The following PDS5A variants were observed in gnomAD, a reference collection of about 807,000 sequenced individuals.
PDS5A encodes the protein sister chromatid cohesion protein PDS5 homolog A.
In PDS5A, 42 loss-of-function variants were observed where a neutral mutation model predicts 167.1. The observed-to-expected ratio is 0.25, with a 90% CI of 0.20 to 0.33. PDS5A has a LOEUF of 0.33. Ranked by LOEUF, PDS5A falls within the 10% of genes least tolerant of loss-of-function variation. The pLI is 1.00. For synonymous variants in PDS5A, 553 were observed against 554.6 expected, an observed-to-expected ratio of 1.00 and a Z score of 0.04; for missense variants, 1,033 against 1,605.9, an observed-to-expected ratio of 0.64 and a Z score of 6.10.
chr4:39,918,440 G>A (rs180792874), intron 7 of PDS5A, among the ~76,000 whole-genome samples: 4 of 152,052 alleles, frequency 2.6e-5, no homozygotes, highest in Non-Finnish European at 2.9e-5. Flanking sequence ...GCACACCACC[G>A]TCACACATGC....
chr4:39,906,024 T>A (rs577352824), intron 11 of PDS5A, among the ~76,000 whole-genome samples: 10 of 149,204 alleles, frequency 6.7e-5, no homozygotes, highest in Admixed American at 2.0e-4. Flanking sequence ...AAAAAAAAGA[T>A]AAGAAAATTA....
rs150023934 is a variant in PDS5A at position 39,977,169 on chromosome 4, C to T, written c.-41+288G>A. The stretch of plus-strand genomic sequence containing the variant: ...TGCCACCCCTCCCCTGTTCCGCTCC[C>T]TCACCCCCGCGGGAGGGGAAAACAA... On this transcript the variant is annotated intron_variant, in intron 1 of 32. Coordinates refer to ENST00000303538, the MANE Select transcript of PDS5A (RefSeq NM_001100399.2). The surrounding 1 kb of genome is among the most constrained non-coding windows in gnomAD (Gnocchi z 4.2). Among the ~76,000 whole-genome samples, 728 of 152,164 alleles carry T rather than the reference C, an allele frequency of 4.8e-3. 8 individuals carry two copies. The highest frequency in any genetic ancestry group is 0.017 in the African/African-American group (687 of 41,526).
chr4:39,949,831 A>AAAAAAAAAG (rs1336523081), intron 2 of PDS5A, among the ~76,000 whole-genome samples: 3 of 149,506 alleles, frequency 2.0e-5, no homozygotes, highest in Admixed American at 1.3e-4. Flanking sequence ...GAAAAAAAAA[A>AAAAAAAAAG]AAAAGAAAAA....
At chr4:39,890,149 C>A (rs1389989565) in intron 17 of PDS5A, 100 bp downstream of exon 17, 1 of 630,806 alleles carries the variant, frequency 1.6e-6, no homozygotes, top group South Asian at 2.1e-5. Flanking sequence ...AAGAGACATA[C>A]AGAGGTTTTC....
chr4:39,914,449 C>T (rs749566774), intron 8 of PDS5A, among the ~76,000 whole-genome samples: 6 of 151,356 alleles, frequency 4.0e-5, no homozygotes, highest in Non-Finnish European at 5.9e-5. Context: ...CATGAACCAC[C>T]GCACCTGGCT....
intron 2 of PDS5A, among the ~76,000 whole-genome samples, chr4:39,933,756 T>C (rs560012227): frequency 3.9e-5 from 6 of 152,356 alleles, no homozygotes; most frequent in Non-Finnish European, 7.3e-5. Context: ...TTCCCTTTTT[T>C]AAATATGTCG....
intron 7 of PDS5A, 96 bp from the exon 8 acceptor site, chr4:39,917,284 G>T: frequency 2.7e-6 from 2 of 754,504 alleles, no homozygotes; most frequent in South Asian, 4.3e-5. Context: ...ATTTAATTAG[G>T]TATTACATAT....
chr4:39,908,515 A>T lies in PDS5A; in HGVS notation c.1113T>A (p.Asp371Glu). The T allele has an allele frequency of 6.3e-7, 1 of 1,591,462 alleles. No homozygotes were observed. Among genetic ancestry groups the T allele is most frequent in the Non-Finnish European group, 8.6e-7 (1 of 1,160,026 alleles). The change falls in exon 11 of 33, where the codon GAT (aspartate) becomes GAA (glutamate). Residue 371 changes from aspartate (D) to glutamate (E), a missense_variant. By Grantham distance (45) the Asp-to-Glu change is conservative. Around this residue, in one of 4 missense-constraint regions of PDS5A, gnomAD observed 388 missense variants for 615.1 expected, o/e 0.63. Transcript: ENST00000303538. ...CATCATGACGAATAGCTTCTTCTGG[A>T]TCATGTGATCTAACCTTTAAATATT... The part of the protein sequence containing the change: ...LTEYLKVRSH[D>E]PEEAIRHDVI...
chr4:39,876,903 CTA>C (rs1720504033), intron 19 of PDS5A, 88 bp downstream of exon 19: 13 of 938,214 alleles, frequency 1.4e-5, no homozygotes, highest in Non-Finnish European at 1.9e-5. Flanking sequence ...TTCTTCCCTC[CTA>C]TCTTCCTACA....
At chr4:39,939,590 T>A (rs971236416) in intron 2 of PDS5A, among the ~76,000 whole-genome samples, 5 of 152,156 alleles carry the variant, frequency 3.3e-5, no homozygotes, top group Non-Finnish European at 7.3e-5. Context: ...GGTCAGGAGC[T>A]GGAGACCAGC....
intron 21 of PDS5A, among the ~76,000 whole-genome samples, chr4:39,871,678 C>T (rs1198524749): frequency 6.6e-6 from 1 of 152,114 alleles, no homozygotes; most frequent in African/African-American, 2.4e-5. Flanking sequence ...AATTTAGATC[C>T]ATTTGGTAAA....
intron 17 of PDS5A, among the ~76,000 whole-genome samples, chr4:39,880,905 A>T (rs111969386): frequency 2.7e-4 from 41 of 152,098 alleles, no homozygotes; most frequent in Non-Finnish European, 3.4e-4. Flanking sequence ...TCTAGCTGTG[A>T]TTTTGTATCC....
chr4:39,896,707 AG>A (rs1411683078), intron 16 of PDS5A, among the ~76,000 whole-genome samples: 1 of 151,918 alleles, frequency 6.6e-6, no homozygotes, highest in Non-Finnish European at 1.5e-5. Context: ...CTGAGGATGC[AG>A]TGGGCCATGA....
intron 26 of PDS5A, among the ~76,000 whole-genome samples, chr4:39,859,966 G>A (rs919565829): frequency 6.6e-6 from 1 of 152,154 alleles, no homozygotes; most frequent in Non-Finnish European, 1.5e-5. Flanking sequence ...GGGTGTGGTG[G>A]CTCATGCCTG....
Position 39,939,893 on chromosome 4 carries a change from T to C in PDS5A, c.139-11729A>G, listed in dbSNP as rs145279641. On this transcript the variant is annotated intron_variant, in intron 2 of 32. Coordinates refer to ENST00000303538, the MANE Select transcript of PDS5A (RefSeq NM_001100399.2). ...GGATATATTTAAATTGAGCTATGGT[T>C]GTACCAGTGTACTCTGGCCTGGGCA... Among the ~76,000 whole-genome samples, 1,026 of 152,290 alleles carry C rather than the reference T, an allele frequency of 6.7e-3. 14 individuals carry two copies. Among genetic ancestry groups the C allele is most frequent in the African/African-American group, 0.024 (981 of 41,560 alleles).
chr4:39,884,781 C>T (rs1442225636), intron 17 of PDS5A, among the ~76,000 whole-genome samples: 1 of 152,172 alleles, frequency 6.6e-6, no homozygotes, highest in Non-Finnish European at 1.5e-5. Context: ...CAGTCCTCAA[C>T]CTTTTCCTTT....
intron 26 of PDS5A, among the ~76,000 whole-genome samples, chr4:39,861,503 C>T (rs183367326): frequency 1.3e-3 from 195 of 152,226 alleles, no homozygotes; most frequent in African/African-American, 4.6e-3. Context: ...TACAAAAATA[C>T]ACTTAGATAC....
chr4:39,957,361 A>T (rs73808614), intron 2 of PDS5A, among the ~76,000 whole-genome samples: 382 of 152,206 alleles, frequency 2.5e-3, no homozygotes, highest in African/African-American at 8.7e-3. Flanking sequence ...GTGATTTTTT[A>T]AAATTCATAT....
At position 39,973,515 on chromosome 4, in the gene PDS5A, A is replaced by G; in HGVS notation, c.138+2925T>C. ...GTATTGATGATGAACGTCTCCAGAA[A>G]GAGTTTTCTCCATTTGGTACAATCA... is the stretch of plus-strand genomic sequence containing the variant. On this transcript the variant is annotated intron_variant, in intron 2 of 32. Transcript: ENST00000303538. 4 of 1,296,742 alleles carry G rather than the reference A, an allele frequency of 3.1e-6. No homozygotes were observed. In the Admixed American group the frequency reaches 6.7e-5, roughly 22 times the overall value. 80.3% of individuals were successfully genotyped at this position (1,296,742 alleles called of 1,614,324 possible). A position where few individuals can be genotyped will look rare whatever the true frequency, so the allele number is the denominator to read the frequency against.
Sources: gnomAD v4.1 joint callset for allele counts (sites outside exome capture counted in the v4.1 genomes callset) on GRCh38, gnomAD v4.1.1 for gene constraint, gnomAD v4.1.1 regional missense constraint, Gnocchi (gnomAD v3.1) non-coding constraint, MANE v1.5 for transcripts, NCBI Gene and HGNC (gene_info 2026-07-23, HGNC 2026-07-21) for gene names.